Variants in PLCH1 observed in about 807,000 individuals in gnomAD.
PLCH1 encodes 1-phosphatidylinositol 4,5-bisphosphate phosphodiesterase eta-1.
In PLCH1, 60 loss-of-function variants were observed where a neutral mutation model predicts 126.7. The observed-to-expected ratio is 0.47, with a 90% CI of 0.38 to 0.59. The LOEUF is 0.59. PLCH1 is among the 20% of genes least tolerant of loss of function. The pLI is 0.00. For synonymous variants in PLCH1, 719 were observed against 734.9 expected (o/e 0.98, Z 0.35); for missense variants, 1,723 against 2,040.0 (o/e 0.84, Z 2.99).
intron 6 of PLCH1, among the ~76,000 whole-genome samples, chr3:155,582,075 C>CTTTTTTTTTTTTTTTTTTTTTTTTTTT (rs869254665): frequency 8.0e-4 from 51 of 64,110 alleles, no homozygotes; most frequent in Non-Finnish European, 9.8e-4. Context: ...TCTTTTCTTT[C>CTTTTTTTTTTTTTTTTTTTTTTTTTTT]TTTTTTTTTT....
chr3:155,554,107 T>A lies in PLCH1; in HGVS notation c.1159A>T (p.Thr387Ser). ...SKILFRDVVE[T>S]INKHAFVKNE... Reference sequence around the variant, plus strand: ...TTCACAAAGGCATGCTTGTTGATGGTCTCCACAACATCTCTGAAGAGAATT... The same window carrying A: ...TTCACAAAGGCATGCTTGTTGATGGACTCCACAACATCTCTGAAGAGAATT... Residue 387 changes from threonine to serine, a missense_variant, in exon 9 of 23, where the codon ACC becomes TCC. Physicochemically the swap from Thr to Ser is moderately conservative, Grantham distance 58. Coordinates refer to ENST00000460012, the MANE Select transcript of PLCH1 (RefSeq NM_014996.4). The A allele has an allele frequency of 6.2e-7, 1 of 1,613,722 alleles. No homozygotes were observed. Among genetic ancestry groups the A allele is most frequent in the Non-Finnish European group, 8.5e-7 (1 of 1,179,656 alleles).
chr3:155,650,171 C>G (rs912561605), intron 2 of PLCH1, among the ~76,000 whole-genome samples: 7 of 152,072 alleles, frequency 4.6e-5, no homozygotes, highest in African/African-American at 1.7e-4. Flanking sequence ...CTATTTTACT[C>G]TCATTATATC....
At chr3:155,504,280 A>G (rs909431866) in intron 13 of PLCH1, among the ~76,000 whole-genome samples, 16 of 152,212 alleles carry the variant, frequency 1.1e-4, no homozygotes, top group African/African-American at 3.9e-4. Context: ...TATGTATTGG[A>G]TATGTATATT....
chr3:155,502,185 G>A (rs1004994397), intron 13 of PLCH1, among the ~76,000 whole-genome samples: 2 of 152,110 alleles, frequency 1.3e-5, no homozygotes, highest in South Asian at 2.1e-4. Context: ...CTCATGTTCC[G>A]TCTTTCACCA....
intron 10 of PLCH1, 29 bp downstream of exon 10, chr3:155,549,758 T>A (rs755227484): frequency 2.0e-6 from 3 of 1,533,228 alleles, no homozygotes; most frequent in Non-Finnish European, 2.7e-6. Flanking sequence ...ATAATGAATG[T>A]CTTTTATTGC....
chr3:155,739,597 A>G (rs358748), intron 1 of PLCH1, among the ~76,000 whole-genome samples: 72,895 of 152,078 alleles, frequency 0.48, 20,650 homozygotes, highest in African/African-American at 0.78. Context: ...CTACCTGTCT[A>G]TACTTTGCAT....
intron 2 of PLCH1, among the ~76,000 whole-genome samples, chr3:155,612,283 C>A (rs1273937024): frequency 6.7e-6 from 1 of 149,704 alleles, no homozygotes; most frequent in South Asian, 2.1e-4. Context: ...GAGCCAAGAT[C>A]GTGCCATTGC....
intron 2 of PLCH1, among the ~76,000 whole-genome samples, chr3:155,637,483 T>A (rs1218490063): frequency 6.6e-6 from 1 of 152,184 alleles, no homozygotes; most frequent in Non-Finnish European, 1.5e-5. Flanking sequence ...TAGATAAGGA[T>A]CCATATCTGT....
chr3:155,663,316 A>G (rs1742385232), intron 2 of PLCH1, among the ~76,000 whole-genome samples: 1 of 152,240 alleles, frequency 6.6e-6, no homozygotes, highest in Non-Finnish European at 1.5e-5. Context: ...TCTCTTTTGT[A>G]ACCTGTGATT....
intron 1 of PLCH1, among the ~76,000 whole-genome samples, chr3:155,732,025 C>T (rs748313700): frequency 6.9e-6 from 1 of 144,564 alleles, no homozygotes; most frequent in Non-Finnish European, 1.5e-5. Context: ...AAACATGACA[C>T]CTCCAACTGA....
intron 21 of PLCH1, among the ~76,000 whole-genome samples, chr3:155,464,288 C>T (rs997544570): frequency 1.3e-5 from 2 of 148,222 alleles, no homozygotes; most frequent in Non-Finnish European, 1.5e-5. Flanking sequence ...AAATCAAAGA[C>T]TCTCTATGCA....
At chr3:155,730,597 T>C (rs1052133240) in intron 1 of PLCH1, among the ~76,000 whole-genome samples, 2 of 152,218 alleles carry the variant, frequency 1.3e-5, no homozygotes, top group African/African-American at 4.8e-5. Context: ...TAATTGTTGA[T>C]TGATCTGCTT....
chr3:155,648,175 G>C (rs997422279), intron 2 of PLCH1, among the ~76,000 whole-genome samples: 3 of 152,160 alleles, frequency 2.0e-5, no homozygotes, highest in Non-Finnish European at 4.4e-5. Context: ...CAAGGTCAGA[G>C]CTCAGGAATT....
rs774024945 is a variant in PLCH1 at position 155,526,484 on chromosome 3, T to TACACACACA, written c.1363-2481_1363-2480insTGTGTGTGT. Among the ~76,000 whole-genome samples, 384 of 94,334 alleles carry TACACACACA rather than the reference T, an allele frequency of 4.1e-3. 1 individual carries two copies. Among genetic ancestry groups the TACACACACA allele is most frequent in the Middle Eastern group, 0.01 (2 of 194 alleles). 61.9% of individuals were successfully genotyped at this position (94,334 alleles called of 152,430 possible). A position where few individuals can be genotyped will look rare whatever the true frequency, so the allele number is the denominator to read the frequency against. ...TCTCTTTCTCTCTTCTTTCTCTCTC[T>TACACACACA]CTCATACACACACACACACACACAC... On this transcript the variant is annotated intron_variant, in intron 10 of 22. Transcript: ENST00000460012.
At chr3:155,555,278 G>A (rs1442588231) in intron 8 of PLCH1, among the ~76,000 whole-genome samples, 2 of 152,182 alleles carry the variant, frequency 1.3e-5, no homozygotes, top group Non-Finnish European at 2.9e-5. Flanking sequence ...AACACAGCTG[G>A]ACTCTATTTC....
intron 6 of PLCH1, among the ~76,000 whole-genome samples, chr3:155,580,952 T>C (rs1730584291): frequency 6.6e-6 from 1 of 152,148 alleles, no homozygotes; most frequent in African/African-American, 2.4e-5. Context: ...GCACAATACC[T>C]AGGAAATATA....
At chr3:155,687,721 T>G (rs1745064839) in intron 2 of PLCH1, among the ~76,000 whole-genome samples, 1 of 152,198 alleles carries the variant, frequency 6.6e-6, no homozygotes, top group South Asian at 2.1e-4. Flanking sequence ...ATACTGAGAC[T>G]AAGTATTTGT....
At chr3:155,560,164 G>A (rs1289085367) in intron 8 of PLCH1, among the ~76,000 whole-genome samples, 1 of 152,162 alleles carries the variant, frequency 6.6e-6, no homozygotes, top group African/African-American at 2.4e-5. Flanking sequence ...AGAGTTGACT[G>A]TCACTTCATG....
intron 2 of PLCH1, among the ~76,000 whole-genome samples, chr3:155,622,106 T>G (rs909759470): frequency 6.6e-6 from 1 of 152,178 alleles, no homozygotes; most frequent in Admixed American, 6.5e-5. Context: ...GGGGCCAATA[T>G]TCAACATTCC....
Sources: gnomAD v4.1 joint callset for allele counts (sites outside exome capture counted in the v4.1 genomes callset) on GRCh38, gnomAD v4.1.1 for gene constraint, MANE v1.5 for transcripts, NCBI Gene and HGNC (gene_info 2026-07-23, HGNC 2026-07-21) for gene names.